CTNNA2: variants seen among roughly 807,000 people sequenced by gnomAD.
CTNNA2 encodes catenin alpha 2, also known as catenin alpha-2.
Under a neutral mutation model 101.0 loss-of-function variants are expected in CTNNA2, and 42 were observed. The ratio of observed to expected loss-of-function variants is 0.42; its 90% CI spans 0.32 to 0.54. The LOEUF is 0.54. Ranked by LOEUF, CTNNA2 falls within the 20% of genes least tolerant of loss-of-function variation. The pLI is 0.14. For missense variants in CTNNA2, 871 were observed against 1,223.1 expected (o/e 0.71, Z 4.29); for synonymous variants, 450 against 456.4 (o/e 0.99, Z 0.18).
chr2:79,909,001 A>G (rs747512123), intron 6 of CTNNA2, among the ~76,000 whole-genome samples: 17 of 152,192 alleles, frequency 1.1e-4, no homozygotes, highest in Non-Finnish European at 2.2e-4. Flanking sequence ...TACCTTTATA[A>G]GGATACTGTC....
At chr2:79,863,429 C>G (rs1040514792) in intron 4 of CTNNA2, among the ~76,000 whole-genome samples, 6 of 152,064 alleles carry the variant, frequency 3.9e-5, no homozygotes, top group Non-Finnish European at 8.8e-5. Context: ...TCTCCTCGAA[C>G]CTATCGCTGG....
chr2:79,910,363 TG>T (rs1685702561), intron 7 of CTNNA2, among the ~76,000 whole-genome samples: 1 of 152,222 alleles, frequency 6.6e-6, no homozygotes, highest in Admixed American at 6.5e-5. Context: ...TAGGTATGTA[TG>T]ACTGGTATCT....
chr2:80,569,791 C>T (rs1479633299), intron 12 of CTNNA2, among the ~76,000 whole-genome samples: 32 of 148,986 alleles, frequency 2.1e-4, no homozygotes, highest in African/African-American at 3.9e-4. Context: ...TACAGGCACC[C>T]GCCACCACAC....
rs17018671 is a variant in CTNNA2 at position 80,137,442 on chromosome 2, A to T, written c.1056+227645A>T. Among the ~76,000 whole-genome samples the T allele has an allele frequency of 6.9e-3, 1,054 of 152,282 alleles. 7 individuals carry two copies. Among genetic ancestry groups the T allele is most frequent in the African/African-American group, 0.021 (858 of 41,558 alleles). ...CCTGATGGGAACATTTTGATAGGAG[A>T]TACGAACTAACAGTGAATTAGCAAG... On this transcript the variant is annotated intron_variant, in intron 7 of 18. Transcript: ENST00000402739.
At chr2:80,524,583 C>T (rs910525595) in intron 9 of CTNNA2, among the ~76,000 whole-genome samples, 1 of 152,192 alleles carries the variant, frequency 6.6e-6, no homozygotes, top group Non-Finnish European at 1.5e-5. Flanking sequence ...CGTTGAACTA[C>T]TTGCCAATCT....
In CTNNA2 at chr2:80,138,685, A is replaced by G. The variant is rs148057400; in HGVS notation, c.1056+228888A>G. Among the ~76,000 whole-genome samples the G allele has an allele frequency of 5.3e-5, 8 of 152,250 alleles. No individual in the cohort carries two copies. The East Asian group carries it at 1.5e-3, about 29-fold the overall frequency. On this transcript the variant is annotated intron_variant, in intron 7 of 18. Transcript: ENST00000402739. ...GTTCATATTCTGGTTTCATCCTGGG[A>G]CCATCTGCATGGTACTAACTCTCCT...
intron 7 of CTNNA2, among the ~76,000 whole-genome samples, chr2:80,214,363 C>T (rs6746428): frequency 0.25 from 37,247 of 151,976 alleles, 7,415 homozygotes; most frequent in African/African-American, 0.55. Context: ...GTTGTTCCTT[C>T]CCATGTTTAG....
chr2:79,419,607 A>T (rs1468152772), intron 4 of CTNNA2, among the ~76,000 whole-genome samples: 2 of 152,116 alleles, frequency 1.3e-5, no homozygotes, highest in Non-Finnish European at 2.9e-5. Flanking sequence ...TAAAATTTTG[A>T]GTTTAGATAT....
chr2:79,250,397 A>G (rs1442487622), intron 2 of CTNNA2, among the ~76,000 whole-genome samples: 3 of 152,108 alleles, frequency 2.0e-5, no homozygotes, highest in Admixed American at 6.6e-5. Flanking sequence ...ACTCATAACT[A>G]TACTGCTCCA....
intron 2 of CTNNA2, among the ~76,000 whole-genome samples, chr2:79,678,934 A>T (rs1029504580): frequency 6.6e-6 from 1 of 152,180 alleles, no homozygotes; most frequent in African/African-American, 2.4e-5. Flanking sequence ...TTCTGCATCT[A>T]TAATGGAATG....
rs572202454 is a variant in CTNNA2, at chr2:80,498,244, A to G, written c.1291-46738A>G. Among the ~76,000 whole-genome samples, 35 of 152,290 alleles carry G rather than the reference A, an allele frequency of 2.3e-4. 1 individual carries two copies. The South Asian group carries it at 7.2e-3, about 32-fold the overall frequency. The stretch of plus-strand genomic sequence containing the variant: ...CACAGACTTTCACAAAACCAGTGGG[A>G]GCCCCTTTATAGCTGGACATGGCCA... On this transcript the variant is annotated intron_variant, in intron 9 of 18. Transcript: ENST00000402739.
intron 1 of CTNNA2, among the ~76,000 whole-genome samples, chr2:79,588,640 T>G (rs960256143): frequency 5.3e-5 from 8 of 152,134 alleles, no homozygotes; most frequent in African/African-American, 1.9e-4. Flanking sequence ...AAATAAATAA[T>G]TGTATAGAAA....
At chr2:79,207,430 G>C (rs181064537) in intron 2 of CTNNA2, among the ~76,000 whole-genome samples, 179 of 152,222 alleles carry the variant, frequency 1.2e-3, no homozygotes, top group African/African-American at 4.0e-3. Context: ...GTAATGACAA[G>C]AAAATTTGTC....
chr2:79,911,110 G>A (rs1240204564), intron 7 of CTNNA2, among the ~76,000 whole-genome samples: 2 of 152,172 alleles, frequency 1.3e-5, no homozygotes, highest in African/African-American at 4.8e-5. Flanking sequence ...AACACTTTCT[G>A]TAATTTTGAT....
chr2:79,401,058 T>C lies in CTNNA2; in HGVS notation c.-135+27045T>C, dbSNP rs1678284983. Reference sequence around the variant, plus strand: ...TAAGACACAGAGAAAACTGAGAGAATTTACCACTAGCAGTATAAAAAATAT... The same window carrying C: ...TAAGACACAGAGAAAACTGAGAGAACTTACCACTAGCAGTATAAAAAATAT... On this transcript the variant is annotated intron_variant, in intron 4 of 21. Coordinates refer to the CTNNA2 transcript ENST00000466387. Among the ~76,000 whole-genome samples the C allele has an allele frequency of 2.0e-5, 3 of 151,882 alleles. 1 individual carries two copies. Among genetic ancestry groups the C allele is most frequent in the Middle Eastern group, 3.4e-3 (1 of 294 alleles).
intron 7 of CTNNA2, among the ~76,000 whole-genome samples, chr2:80,129,305 A>G (rs574577392): frequency 6.6e-6 from 1 of 152,296 alleles, no homozygotes; most frequent in East Asian, 1.9e-4. Context: ...AGCAGGAATT[A>G]CCACTGTAGC....
Position 80,589,675 on chromosome 2 carries a change from A to G in CTNNA2, c.2189+190A>G, listed in dbSNP as rs11890736. ...AGCAGATAGGTATATCTTTTTGGTC[A>G]AGGAGAATAGATTCAATGTTGTAAT... On this transcript the variant is annotated intron_variant, in intron 15 of 18. Coordinates refer to ENST00000402739, the MANE Select transcript of CTNNA2 (RefSeq NM_001282597.3). Among the ~76,000 whole-genome samples, 12,394 of 152,270 alleles carry G rather than the reference A, an allele frequency of 0.081. 1,010 individuals are homozygous for G. Among genetic ancestry groups the G allele is most frequent in the African/African-American group, 0.21 (8,878 of 41,532 alleles).
intron 2 of CTNNA2, among the ~76,000 whole-genome samples, chr2:79,221,894 T>G (rs1223975336): frequency 3.9e-5 from 6 of 152,288 alleles, no homozygotes; most frequent in African/African-American, 1.4e-4. Flanking sequence ...CTTGTGGTCA[T>G]GGAAGATAAC....
chr2:79,662,356 A>C (rs1682095162), intron 2 of CTNNA2, among the ~76,000 whole-genome samples: 1 of 152,148 alleles, frequency 6.6e-6, no homozygotes, highest in South Asian at 2.1e-4. Flanking sequence ...ATGGGAAAAA[A>C]ATGGAATTTA....
Sources: allele counts gnomAD v4.1 joint callset (sites outside exome capture counted in the v4.1 genomes callset), GRCh38; gene constraint gnomAD v4.1.1; transcripts MANE v1.5; gene names NCBI Gene and HGNC (gene_info 2026-07-23, HGNC 2026-07-21).